Variants in C14orf132 observed in about 807,000 individuals in gnomAD.
The protein encoded by C14orf132 is chromosome 14 open reading frame 132, also known as uncharacterized protein C14orf132.
Under a neutral mutation model 5.8 loss-of-function variants are expected in C14orf132, and 6 were observed. The observed-to-expected ratio is 1.03, with a 90% CI of 0.57 to 2.04. The LOEUF (loss-of-function observed/expected upper bound fraction) is 2.04, where lower values mean the gene tolerates loss of function less well. C14orf132 is among the 30% of genes most tolerant of loss of function. C14orf132 has a pLI of 0.00. For synonymous variants in C14orf132, 51 were observed against 49.8 expected, an observed-to-expected ratio of 1.02 and a Z score of -0.10; for missense variants, 125 against 115.8, an observed-to-expected ratio of 1.08 and a Z score of -0.37.
At chr14:96,049,554 ATATATACG>A (rs1309448642) in intron 1 of C14orf132, among the ~76,000 whole-genome samples, 6 of 135,064 alleles carry the variant, frequency 4.4e-5, no homozygotes, top group Non-Finnish European at 9.9e-5. Flanking sequence ...ATATATATAC[ATATATACG>A]TATATATACA....
rs914818606 is a variant in C14orf132 at position 96,090,785 on chromosome 14, G to A, written c.*4050G>A. The A allele has an allele frequency of 4.6e-5, 21 of 455,964 alleles. No individual in the cohort carries two copies. The highest frequency in any genetic ancestry group is 7.5e-5 in the Non-Finnish European group (17 of 226,804). 28.2% of individuals were successfully genotyped at this position (455,964 alleles called of 1,614,324 possible). ...GGTTCAGCTGGAAGGCTTGGAGGCT[G>A]GCCAGACCACTCTGGCGTCTCCTGA... On this transcript the variant is annotated 3_prime_UTR_variant, in exon 2 of 2. Transcript: ENST00000555004.
rs1415352164 is a variant in C14orf132, at chr14:96,090,366, G to A, written c.*3631G>A. On this transcript the variant is annotated 3_prime_UTR_variant, in exon 2 of 2. Coordinates refer to ENST00000555004, the MANE Select transcript of C14orf132 (RefSeq NM_001252507.3). ...AGATTGTGCCACTGCACTCCAGCCTGGGCAACAGAACGAGACTCTGTCTCA... is the reference window on the plus strand; with the variant it reads ...AGATTGTGCCACTGCACTCCAGCCTAGGCAACAGAACGAGACTCTGTCTCA... 7.1e-6 allele frequency: 2 copies of A among 282,662 alleles called. No homozygotes were observed. Among genetic ancestry groups the A allele is most frequent in the Non-Finnish European group, 1.4e-5 (2 of 146,690 alleles). 17.5% of individuals were successfully genotyped at this position (282,662 alleles called of 1,614,324 possible).
At chr14:96,062,023 G>A (rs1054240228) in intron 1 of C14orf132, among the ~76,000 whole-genome samples, 2 of 152,144 alleles carry the variant, frequency 1.3e-5, no homozygotes, top group Admixed American at 6.5e-5. Flanking sequence ...TTCTATCTCA[G>A]TCACCACATT....
chr14:96,049,591 C>CATATATACGTATATATGTAT (rs1566823803), intron 1 of C14orf132, among the ~76,000 whole-genome samples: 1,614 of 120,014 alleles, frequency 0.013, 114 homozygotes, highest in Middle Eastern at 0.042. Context: ...TATATATATA[C>CATATATACGTATATATGTAT]ATATATACGT....
Position 96,039,667 on chromosome 14 carries a change from C to T in C14orf132, c.27+140C>T, listed in dbSNP as rs994526950. 7 of 892,218 alleles carry T rather than the reference C, an allele frequency of 7.8e-6. No individual in the cohort carries two copies. The highest frequency in any genetic ancestry group is 5.2e-5 in the African/African-American group (3 of 57,386). 55.3% of individuals were successfully genotyped at this position (892,218 alleles called of 1,614,324 possible). A position where few individuals can be genotyped will look rare whatever the true frequency, so the allele number is the denominator to read the frequency against. Reference sequence around the variant, plus strand: ...CCGGTCCTTTGTCCCGAGCCGGACACCCCCACTTGGTGCACGCGTCGGGGG... The same window carrying T: ...CCGGTCCTTTGTCCCGAGCCGGACATCCCCACTTGGTGCACGCGTCGGGGG... On this transcript the variant is annotated intron_variant, in intron 1 of 1. Coordinates refer to ENST00000555004, the MANE Select transcript of C14orf132 (RefSeq NM_001252507.3). This position sits in a 1 kb window ranked among gnomAD's most constrained non-coding sequence, Gnocchi z 5.3.
chr14:96,060,760 C>G (rs1221378035), intron 1 of C14orf132, among the ~76,000 whole-genome samples: 1 of 152,150 alleles, frequency 6.6e-6, no homozygotes, highest in South Asian at 2.1e-4. Context: ...AGGGACTCAG[C>G]CCAGCATCAG....
chr14:96,058,356 C>T (rs889881255), intron 1 of C14orf132, among the ~76,000 whole-genome samples: 6 of 152,120 alleles, frequency 3.9e-5, no homozygotes, highest in Non-Finnish European at 7.3e-5. Flanking sequence ...TCTACCTCCC[C>T]TCTTCCCTAA....
chr14:96,067,946 G>A (rs1453529400), intron 1 of C14orf132, among the ~76,000 whole-genome samples: 3 of 152,144 alleles, frequency 2.0e-5, no homozygotes, highest in East Asian at 1.9e-4. Flanking sequence ...CAAGGGTGAC[G>A]ATAGTACCCA....
intron 1 of C14orf132, among the ~76,000 whole-genome samples, chr14:96,085,736 G>A (rs991577955): frequency 2.0e-4 from 30 of 152,188 alleles, no homozygotes. Context: ...TGTGTACCAT[G>A]ATGCATGTAC....
chr14:96,052,639 C>T (rs1030699755), intron 1 of C14orf132, among the ~76,000 whole-genome samples: 1 of 152,206 alleles, frequency 6.6e-6, no homozygotes, highest in South Asian at 2.1e-4. Flanking sequence ...GGGGCACCTC[C>T]TCTTTGAGTC....
At chr14:96,063,743 C>A (rs1292853102) in intron 1 of C14orf132, among the ~76,000 whole-genome samples, 2 of 152,088 alleles carry the variant, frequency 1.3e-5, no homozygotes, top group Non-Finnish European at 2.9e-5. Context: ...TTCTAAAGAG[C>A]TTTTGCACGG....
At chr14:96,072,934 G>A (rs1030205764) in intron 1 of C14orf132, among the ~76,000 whole-genome samples, 2 of 152,180 alleles carry the variant, frequency 1.3e-5, no homozygotes, top group African/African-American at 2.4e-5. Flanking sequence ...TAAAGCTATT[G>A]TAAACATTTG....
intron 1 of C14orf132, among the ~76,000 whole-genome samples, chr14:96,043,635 C>T (rs1278818450): frequency 6.6e-6 from 1 of 152,158 alleles, no homozygotes; most frequent in Non-Finnish European, 1.5e-5. Flanking sequence ...CAGCACTTTC[C>T]TTGCATTCCC....
rs1371682932 is a variant in C14orf132, at chr14:96,039,875, G to A, written c.27+348G>A. On this transcript the variant is annotated intron_variant, in intron 1 of 1. Transcript: ENST00000555004. The surrounding 1 kb of genome is among the most constrained non-coding windows in gnomAD (Gnocchi z 5.3). ...CTTCTGGGGTCCCGGAGCCCTCCAA[G>A]GCCGGGCCAGCTCAGACCCGCGCGA... Among the ~76,000 whole-genome samples the A allele has an allele frequency of 6.6e-6, 1 of 152,050 alleles. No individual in the cohort carries two copies. The highest frequency in any genetic ancestry group is 1.5e-5 in the Non-Finnish European group (1 of 67,992).
intron 1 of C14orf132, among the ~76,000 whole-genome samples, chr14:96,074,870 T>TTA (rs1887817421): frequency 6.6e-6 from 1 of 152,088 alleles, no homozygotes; most frequent in Non-Finnish European, 1.5e-5. Flanking sequence ...AAATTTGTTT[T>TTA]CTTTTTCAAA....
intron 1 of C14orf132, 108 bp from the exon 2 acceptor site, chr14:96,086,403 A>AGATCGTAGCTTCATGTGGGGTTG: frequency 1.1e-6 from 1 of 933,234 alleles, no homozygotes. Flanking sequence ...GGTGCAGTAG[A>AGATCGTAGCTTCATGTGGGGTTG]GATCGTAGCT....
At chr14:96,058,452 G>C (rs570282698) in intron 1 of C14orf132, among the ~76,000 whole-genome samples, 57 of 152,072 alleles carry the variant, frequency 3.7e-4, no homozygotes, top group African/African-American at 1.4e-3. Flanking sequence ...CAGGCCTCCC[G>C]GGGAAGGTTT....
At position 96,050,828 on chromosome 14, in the gene C14orf132, C is replaced by T. The variant is rs570450323; in HGVS notation, c.27+11301C>T. On this transcript the variant is annotated intron_variant, in intron 1 of 1. Coordinates refer to ENST00000555004, the MANE Select transcript of C14orf132 (RefSeq NM_001252507.3). ...GTCTGATGTCCGGTGTCTTGAAAAT[C>T]ATTTTCATGTATTTTATCTGGTTTT... 8.5e-5 allele frequency among the ~76,000 whole-genome samples: 13 copies of T among 152,232 alleles called. No individual in the cohort carries two copies. The South Asian group carries it at 2.5e-3, about 29-fold the overall frequency.
intron 1 of C14orf132, among the ~76,000 whole-genome samples, chr14:96,050,020 T>C (rs1419666590): frequency 1.3e-5 from 2 of 152,322 alleles, no homozygotes; most frequent in Non-Finnish European, 1.5e-5. Context: ...ACATATGGAA[T>C]ACAGTTATAA....
Sources: gnomAD v4.1 joint callset for allele counts (sites outside exome capture counted in the v4.1 genomes callset) on GRCh38, gnomAD v4.1.1 for gene constraint, Gnocchi (gnomAD v3.1) non-coding constraint, MANE v1.5 for transcripts, NCBI Gene and HGNC (gene_info 2026-07-23, HGNC 2026-07-21) for gene names.